The following AKT3 variants were observed in gnomAD, a reference collection of about 807,000 sequenced individuals.
The protein encoded by AKT3 is RAC-gamma serine/threonine-protein kinase.
In AKT3, 15 loss-of-function variants were observed where a neutral mutation model predicts 65.3. That is an observed-to-expected ratio of 0.23 (90% CI 0.15 to 0.35). The LOEUF (loss-of-function observed/expected upper bound fraction) is 0.35, where lower values mean the gene tolerates loss of function less well. AKT3 is among the 10% of genes least tolerant of loss of function. The pLI, the probability that AKT3 is intolerant of heterozygous loss-of-function variation, is 1.00. For missense variants in AKT3, 243 were observed against 576.5 expected (o/e 0.42, Z 5.92); for synonymous variants, 206 against 183.8 (o/e 1.12, Z -0.98).
intron 3 of AKT3, among the ~76,000 whole-genome samples, chr1:243,677,466 A>AT (rs575559597): frequency 2.8e-4 from 43 of 152,284 alleles, no homozygotes; most frequent in Non-Finnish European, 5.0e-4. Context: ...CAGAAACAAT[A>AT]TAATTTCTCA....
chr1:243,757,724 C>T (rs1037031342), intron 2 of AKT3, among the ~76,000 whole-genome samples: 10 of 151,970 alleles, frequency 6.6e-5, no homozygotes, highest in Admixed American at 4.6e-4. Flanking sequence ...CTTACACTTG[C>T]AGTCTCTACT....
intron 11 of AKT3, among the ~76,000 whole-genome samples, chr1:243,549,514 G>A (rs1043123356): frequency 6.6e-6 from 1 of 151,938 alleles, no homozygotes; most frequent in Admixed American, 6.6e-5. Flanking sequence ...CTGCAGTCTC[G>A]ACCTCCTGGG....
At chr1:243,568,832 C>T (rs1674358216) in intron 9 of AKT3, among the ~76,000 whole-genome samples, 1 of 152,062 alleles carries the variant, frequency 6.6e-6, no homozygotes, top group Admixed American at 6.6e-5. Context: ...CTTTGCAGGC[C>T]GAGGCATGGT....
rs1669355449 is a variant in AKT3, at chr1:243,502,135, CA to C, written c.*3113del. 4.3e-6 allele frequency: 1 copy of C among 231,760 alleles called. No homozygotes were observed. The highest frequency in any genetic ancestry group is 8.5e-6 in the Non-Finnish European group (1 of 117,318). The allele number at this position is 231,760 out of a possible 1,614,324, so 14.4% of individuals were successfully genotyped here. ...TTATTTAAATAAATACTTTACATTT[CA>C]TGCTTGCCTGTAATGCACTACCAGG... On this transcript the variant is annotated 3_prime_UTR_variant, in exon 14 of 14. Coordinates refer to ENST00000673466, the MANE Select transcript of AKT3 (RefSeq NM_005465.7).
chr1:243,693,291 T>C (rs1474226816), intron 3 of AKT3, among the ~76,000 whole-genome samples: 1 of 117,544 alleles, frequency 8.5e-6, no homozygotes, highest in African/African-American at 3.3e-5. Flanking sequence ...TATATATATA[T>C]ATAACATTTC....
At chr1:243,617,623 G>A (rs1678427884) in intron 6 of AKT3, among the ~76,000 whole-genome samples, 1 of 152,112 alleles carries the variant, frequency 6.6e-6, no homozygotes, top group Non-Finnish European at 1.5e-5. Flanking sequence ...TGTCAACGGG[G>A]CTGTAAGGGA....
intron 4 of AKT3, among the ~76,000 whole-genome samples, chr1:243,663,593 A>T (rs1457096620): frequency 6.6e-6 from 1 of 152,180 alleles, no homozygotes; most frequent in East Asian, 1.9e-4. Context: ...AAATATTATC[A>T]GTGCTTAACT....
chr1:243,538,721 C>G (rs1013255426), intron 12 of AKT3, among the ~76,000 whole-genome samples: 2 of 151,420 alleles, frequency 1.3e-5, no homozygotes, highest in African/African-American at 4.9e-5. Flanking sequence ...TAAAGATGAG[C>G]GCAGTGATGT....
downstream of AKT3, among the ~76,000 whole-genome samples, chr1:243,496,119 G>A (rs927486221): frequency 1.3e-5 from 2 of 152,226 alleles, no homozygotes; most frequent in African/African-American, 4.8e-5. Flanking sequence ...GGGCTTGAAA[G>A]GGCCATTTGA....
At position 243,518,427 on chromosome 1, in the gene AKT3, C is replaced by A. The variant is rs150200725; in HGVS notation, c.1252-6001G>T. Among the ~76,000 whole-genome samples the A allele has an allele frequency of 3.2e-3, 487 of 152,182 alleles. 6 individuals carry two copies. Among genetic ancestry groups the A allele is most frequent in the African/African-American group, 0.011 (448 of 41,508 alleles). ...AGGCAGGCAGATCAGGAGTTTGAGA[C>A]CAGACTGGCCAACATGGTGAAACCC... On this transcript the variant is annotated intron_variant, in intron 12 of 13. Coordinates refer to ENST00000673466, the MANE Select transcript of AKT3 (RefSeq NM_005465.7).
chr1:243,693,074 T>C (rs929056760), intron 3 of AKT3, among the ~76,000 whole-genome samples: 3 of 151,072 alleles, frequency 2.0e-5, no homozygotes, highest in Admixed American at 6.6e-5. Flanking sequence ...TTAATTAAGA[T>C]TGGAAGTTCT....
chr1:243,799,351 G>A (rs2148361468), intron 2 of AKT3, among the ~76,000 whole-genome samples: 1 of 152,284 alleles, frequency 6.6e-6, no homozygotes, highest in South Asian at 2.1e-4. Flanking sequence ...ATTGCATGAA[G>A]ATTTGGGTTT....
At chr1:243,597,792 C>T (rs112525597) in intron 8 of AKT3, among the ~76,000 whole-genome samples, 3 of 152,304 alleles carry the variant, frequency 2.0e-5, no homozygotes, top group African/African-American at 4.8e-5. Flanking sequence ...CTGGGCCTGG[C>T]CTATGCCCTT....
At chr1:243,693,241 T>TATATATATATA (rs1421255607) in intron 3 of AKT3, among the ~76,000 whole-genome samples, 2 of 38,262 alleles carry the variant, frequency 5.2e-5, no homozygotes, top group Admixed American at 2.9e-4. Flanking sequence ...TAGCTACAAT[T>TATATATATATA]TGATATATAT....
At chr1:243,620,481 A>C (rs1302491073) in intron 6 of AKT3, among the ~76,000 whole-genome samples, 1 of 151,792 alleles carries the variant, frequency 6.6e-6, no homozygotes, top group Non-Finnish European at 1.5e-5. Context: ...ATTATTATTT[A>C]CTTTTCCACT....
At chr1:243,835,011 T>C (rs1308318447) in intron 2 of AKT3, among the ~76,000 whole-genome samples, 1 of 152,170 alleles carries the variant, frequency 6.6e-6, no homozygotes, top group Non-Finnish European at 1.5e-5. Context: ...GGAAGAGTCT[T>C]ATATTTTATA....
At chr1:243,658,650 T>TA (rs537573744) in intron 4 of AKT3, among the ~76,000 whole-genome samples, 3 of 152,250 alleles carry the variant, frequency 2.0e-5, no homozygotes, top group African/African-American at 7.2e-5. Context: ...ATGAGGAACT[T>TA]AAACAAATAT....
At chr1:243,511,095 A>ACT (rs1241820103) in intron 13 of AKT3, among the ~76,000 whole-genome samples, 2 of 152,066 alleles carry the variant, frequency 1.3e-5, no homozygotes. Context: ...TTGAGTGGAA[A>ACT]CTCTGCCTCA....
intron 3 of AKT3, among the ~76,000 whole-genome samples, chr1:243,684,332 G>A (rs550567656): frequency 7.9e-5 from 12 of 151,744 alleles, no homozygotes; most frequent in South Asian, 6.3e-4. Flanking sequence ...AACATGCCCC[G>A]GTGTGTGATG....
Sources: gnomAD v4.1 joint callset for allele counts (sites outside exome capture counted in the v4.1 genomes callset) on GRCh38, gnomAD v4.1.1 for gene constraint, MANE v1.5 for transcripts, NCBI Gene and HGNC (gene_info 2026-07-23, HGNC 2026-07-21) for gene names.